INPP4B: variants seen among roughly 807,000 people sequenced by gnomAD.
INPP4B encodes inositol polyphosphate-4-phosphatase type II B, also known as inositol polyphosphate 4-phosphatase type II.
In INPP4B, 55 loss-of-function variants were observed where a neutral mutation model predicts 122.5. The ratio of observed to expected loss-of-function variants is 0.45; its 90% CI spans 0.36 to 0.56. The LOEUF (loss-of-function observed/expected upper bound fraction) is 0.56, where lower values mean the gene tolerates loss of function less well. Ranked by LOEUF, INPP4B falls within the 20% of genes least tolerant of loss-of-function variation. The probability of loss-of-function intolerance (pLI) is 0.00; values close to 1 mark genes in which losing one functional copy is unlikely to be tolerated. For missense variants in INPP4B, 1,000 were observed against 1,097.7 expected, an observed-to-expected ratio of 0.91 and a Z score of 1.26; for synonymous variants, 403 against 388.7, an observed-to-expected ratio of 1.04 and a Z score of -0.43.
intron 2 of INPP4B, among the ~76,000 whole-genome samples, chr4:142,478,191 T>C (rs1820045352): frequency 6.6e-6 from 1 of 152,100 alleles, no homozygotes; most frequent in Non-Finnish European, 1.5e-5. Flanking sequence ...GAGACTGAAG[T>C]TTTTTCGGTA....
chr4:142,530,550 CATAT>C (rs35595178), intron 2 of INPP4B, among the ~76,000 whole-genome samples: 63,016 of 140,134 alleles, frequency 0.45, 14,371 homozygotes, highest in South Asian at 0.51. Context: ...TATGTGTGTG[CATAT>C]ATATATATAT....
chr4:142,069,561 G>T (rs1765727943), intron 25 of INPP4B, among the ~76,000 whole-genome samples: 1 of 152,018 alleles, frequency 6.6e-6, no homozygotes, highest in Non-Finnish European at 1.5e-5. Flanking sequence ...TTTTTGAAAA[G>T]ATCAACAAAA....
intron 17 of INPP4B, among the ~76,000 whole-genome samples, chr4:142,159,591 T>G (rs928259555): frequency 2.0e-5 from 3 of 152,056 alleles, no homozygotes; most frequent in Non-Finnish European, 1.5e-5. Flanking sequence ...GCACACTATT[T>G]TTTTTGTTAA....
chr4:142,468,899 A>G (rs1477786937), intron 2 of INPP4B, among the ~76,000 whole-genome samples: 2 of 152,214 alleles, frequency 1.3e-5, no homozygotes, highest in African/African-American at 4.8e-5. Flanking sequence ...GAACCCATAC[A>G]TTTGTTCCCT....
chr4:142,223,887 A>C (rs1342585403), intron 12 of INPP4B, among the ~76,000 whole-genome samples: 3 of 152,224 alleles, frequency 2.0e-5, no homozygotes, highest in Admixed American at 2.0e-4. Flanking sequence ...CAAGCAAGAA[A>C]GAGAAACAGA....
rs1736680189 is a variant in INPP4B at position 142,025,297 on chromosome 4, G to A, written c.*3485C>T. ...CACAATATTGTATCCTGTTTTCACT[G>A]TAAAGATGTAATAGACCTAAATAGA... On this transcript the variant is annotated 3_prime_UTR_variant, in exon 26 of 26. Coordinates refer to ENST00000262992, the MANE Select transcript of INPP4B (RefSeq NM_001101669.3). 6.6e-6 allele frequency: 1 copy of A among 152,106 alleles called. No individual in the cohort carries two copies. The highest frequency in any genetic ancestry group is 2.4e-5 in the African/African-American group (1 of 41,414). The allele number at this position is 152,106 out of a possible 1,614,324, so 9.4% of individuals were successfully genotyped here.
At chr4:142,680,720 G>A (rs1217170983) in intron 2 of INPP4B, among the ~76,000 whole-genome samples, 2 of 151,822 alleles carry the variant, frequency 1.3e-5, no homozygotes, top group South Asian at 2.1e-4. Context: ...CAGTTAGGCT[G>A]CCAATACTAA....
chr4:142,545,739 A>ATGTATATACACATATG (rs1560782030), intron 2 of INPP4B, among the ~76,000 whole-genome samples: 2 of 112,760 alleles, frequency 1.8e-5, no homozygotes, highest in Non-Finnish European at 3.5e-5. Flanking sequence ...ATACACATAT[A>ATGTATATACACATATG]TGTGTATATA....
intron 1 of INPP4B, among the ~76,000 whole-genome samples, chr4:142,774,324 T>G (rs1773528023): frequency 6.6e-6 from 1 of 152,126 alleles, no homozygotes; most frequent in South Asian, 2.1e-4. Context: ...TGTTCTTCAC[T>G]ATGACATTTC....
intron 1 of INPP4B, among the ~76,000 whole-genome samples, chr4:142,734,638 T>TTTTTTCG (rs1554000214): frequency 1.3e-5 from 2 of 152,002 alleles, no homozygotes; most frequent in Non-Finnish European, 2.9e-5. Context: ...CACTATTAGA[T>TTTTTTCG]TTTGTTTGTT....
intron 1 of INPP4B, among the ~76,000 whole-genome samples, chr4:142,813,481 A>G (rs1779756173): frequency 6.6e-6 from 1 of 152,162 alleles, no homozygotes; most frequent in Admixed American, 6.6e-5. Context: ...TTTCTCTAAT[A>G]TCAATTTTTT....
In INPP4B at chr4:142,312,052, C is replaced by T. The variant is rs553320384; in HGVS notation, c.423+2660G>A. ...TTGTCACGTTACTTGCCTTAGGGTA[C>T]GTTCCTAATTGCAAAAATAGGCATG... is the stretch of plus-strand genomic sequence containing the variant. On this transcript the variant is annotated intron_variant, in intron 8 of 25. Transcript: ENST00000262992. 2.7e-4 allele frequency among the ~76,000 whole-genome samples: 41 copies of T among 152,258 alleles called. No homozygotes were observed. In the South Asian group the frequency reaches 8.1e-3, roughly 30 times the overall value.
intron 7 of INPP4B, among the ~76,000 whole-genome samples, chr4:142,377,920 C>G (rs1579895021): frequency 6.6e-6 from 1 of 152,148 alleles, no homozygotes; most frequent in African/African-American, 2.4e-5. Context: ...GATCAATACA[C>G]TGTGACCATA....
intron 25 of INPP4B, among the ~76,000 whole-genome samples, chr4:142,035,810 AAAG>A (rs1175663904): frequency 2.0e-5 from 3 of 152,324 alleles, no homozygotes; most frequent in South Asian, 2.1e-4. Context: ...AATGCTTTTC[AAAG>A]AAGTTCATTC....
At chr4:142,131,506 T>G (rs944061428) in intron 18 of INPP4B, among the ~76,000 whole-genome samples, 1 of 152,242 alleles carries the variant, frequency 6.6e-6, no homozygotes, top group Admixed American at 6.5e-5. Flanking sequence ...AATTTTGCTA[T>G]ATGCATGAAA....
intron 2 of INPP4B, among the ~76,000 whole-genome samples, chr4:142,610,052 C>T (rs1580494289): frequency 6.6e-6 from 1 of 152,050 alleles, no homozygotes; most frequent in South Asian, 2.1e-4. Flanking sequence ...ATTGATATGG[C>T]TTGGCTGTGT....
chr4:142,593,099 GT>G (rs751852091), intron 2 of INPP4B, among the ~76,000 whole-genome samples: 7 of 139,436 alleles, frequency 5.0e-5, no homozygotes, highest in African/African-American at 8.0e-5. Context: ...GTGAGATCCT[GT>G]TTTTAAAAAA....
intron 1 of INPP4B, among the ~76,000 whole-genome samples, chr4:142,741,929 C>T (rs1364637717): frequency 6.6e-6 from 1 of 151,640 alleles, no homozygotes; most frequent in Non-Finnish European, 1.5e-5. Flanking sequence ...AGAGACAATA[C>T]TAAAAAAAGA....
intron 2 of INPP4B, among the ~76,000 whole-genome samples, chr4:142,526,619 T>C (rs1277649781): frequency 6.6e-6 from 1 of 152,102 alleles, no homozygotes; most frequent in Non-Finnish European, 1.5e-5. Context: ...GATTTTAAAC[T>C]AGTGTGAACT....
Sources: gnomAD v4.1 joint callset for allele counts (sites outside exome capture counted in the v4.1 genomes callset) on GRCh38, gnomAD v4.1.1 for gene constraint, MANE v1.5 for transcripts, NCBI Gene and HGNC (gene_info 2026-07-23, HGNC 2026-07-21) for gene names.